The following PDE7B variants were observed in gnomAD, a reference collection of about 807,000 sequenced individuals.
PDE7B encodes phosphodiesterase 7B, also known as 3',5'-cyclic-AMP phosphodiesterase 7B.
PDE7B carries 29 observed loss-of-function variants against 56.2 expected under a neutral mutation model. The observed-to-expected ratio is 0.52, with a 90% CI of 0.38 to 0.70. PDE7B has a LOEUF of 0.70. Ranked by LOEUF, PDE7B falls within the 30% of genes least tolerant of loss-of-function variation. PDE7B has a pLI of 0.00. For synonymous variants in PDE7B, 197 were observed against 196.9 expected (o/e 1.00, Z 0.00); for missense variants, 490 against 565.0 (o/e 0.87, Z 1.35).
At chr6:136,010,960 C>T (rs897673932) in intron 2 of PDE7B, among the ~76,000 whole-genome samples, 1 of 152,146 alleles carries the variant, frequency 6.6e-6, no homozygotes, top group African/African-American at 2.4e-5. Context: ...ATACTTCATG[C>T]CGTGTGGGAA....
rs1422872457 is a variant in PDE7B, at chr6:135,963,171, G to A, written c.82+15647G>A. On this transcript the variant is annotated intron_variant, in intron 2 of 12. Transcript: ENST00000308191. The stretch of plus-strand genomic sequence containing the variant: ...GTGCACATATACACATGGAGACACA[G>A]CCTGCCTCTGCCTCAGAGACATCCT... Among the ~76,000 whole-genome samples the A allele has an allele frequency of 2.0e-5, 3 of 152,118 alleles. No individual in the cohort carries two copies. In the East Asian group the frequency reaches 5.8e-4, roughly 29 times the overall value.
chr6:135,980,362 A>AT (rs1305906786), intron 2 of PDE7B, among the ~76,000 whole-genome samples: 2 of 152,328 alleles, frequency 1.3e-5, no homozygotes, highest in East Asian at 1.9e-4. Flanking sequence ...AGGCATTACC[A>AT]TTCAGGACAC....
intron 1 of PDE7B, among the ~76,000 whole-genome samples, chr6:135,943,946 G>A (rs930791759): frequency 1.3e-5 from 2 of 152,208 alleles, no homozygotes; most frequent in African/African-American, 4.8e-5. Context: ...CCCCTTGGAT[G>A]AGTTCTTCAA....
intron 2 of PDE7B, among the ~76,000 whole-genome samples, chr6:136,075,359 A>G (rs1777112422): frequency 6.6e-6 from 1 of 152,210 alleles, no homozygotes; most frequent in South Asian, 2.1e-4. Flanking sequence ...GATTCTCACA[A>G]AAAGGAAAAC....
intron 1 of PDE7B, among the ~76,000 whole-genome samples, chr6:135,942,791 T>C (rs1774528890): frequency 6.6e-6 from 1 of 152,108 alleles, no homozygotes; most frequent in South Asian, 2.1e-4. Context: ...CATAATGTCC[T>C]CCAGATTCAT....
chr6:135,921,272 C>A (rs1774075181), intron 1 of PDE7B, among the ~76,000 whole-genome samples: 1 of 152,036 alleles, frequency 6.6e-6, no homozygotes, highest in Non-Finnish European at 1.5e-5. Context: ...TGAATTTAAT[C>A]CTTTTCTTAG....
chr6:136,131,498 T>G (rs998163252), intron 3 of PDE7B, among the ~76,000 whole-genome samples: 3 of 144,154 alleles, frequency 2.1e-5, no homozygotes, highest in African/African-American at 7.8e-5. Context: ...TGGCAGGTTT[T>G]TTTTTTTTTT....
chr6:135,903,239 T>C (rs557287451), intron 1 of PDE7B, among the ~76,000 whole-genome samples: 65 of 152,170 alleles, frequency 4.3e-4, no homozygotes, highest in Non-Finnish European at 8.4e-4. Flanking sequence ...TATTTCGTCT[T>C]TGCAAAAACT....
At chr6:135,976,402 C>G (rs1006064431) in intron 2 of PDE7B, among the ~76,000 whole-genome samples, 1 of 152,120 alleles carries the variant, frequency 6.6e-6, no homozygotes, top group Non-Finnish European at 1.5e-5. Flanking sequence ...TCCCCAATGG[C>G]GCTGCTGGGA....
intron 2 of PDE7B, chr6:136,046,471 CTT>C (rs1280208061): frequency 2.0e-5 from 3 of 152,238 alleles, no homozygotes; most frequent in East Asian, 3.9e-4. Context: ...CCTTGCCACT[CTT>C]TGCTCCTCTC....
At chr6:136,142,015 C>T (rs966631348) in intron 3 of PDE7B, among the ~76,000 whole-genome samples, 1 of 152,066 alleles carries the variant, frequency 6.6e-6, no homozygotes, top group African/African-American at 2.4e-5. Context: ...TGTGTTTGCT[C>T]TTGCTTCTCT....
intron 8 of PDE7B, among the ~76,000 whole-genome samples, chr6:136,159,563 C>G: frequency 6.6e-6 from 1 of 152,190 alleles, no homozygotes; most frequent in Non-Finnish European, 1.5e-5. Flanking sequence ...CAAGGAGCTT[C>G]TATTCCACTG....
At chr6:135,924,934 G>A (rs1445144668) in intron 1 of PDE7B, among the ~76,000 whole-genome samples, 1 of 150,414 alleles carries the variant, frequency 6.6e-6, no homozygotes, top group Admixed American at 6.6e-5. Context: ...AACATTTGAA[G>A]GCTGGGTGAT....
intron 2 of PDE7B, among the ~76,000 whole-genome samples, chr6:136,091,740 T>C (rs1345340612): frequency 6.6e-6 from 1 of 152,206 alleles, no homozygotes; most frequent in East Asian, 1.9e-4. Context: ...GAATCTCCAG[T>C]GTGCTGAAAT....
At chr6:136,044,304 T>C (rs916279177) in intron 2 of PDE7B, 1 of 152,206 alleles carries the variant, frequency 6.6e-6, no homozygotes, top group Non-Finnish European at 1.5e-5. Flanking sequence ...AACATTCTGT[T>C]TTTTTCATGT....
intron 2 of PDE7B, among the ~76,000 whole-genome samples, chr6:136,046,677 C>T (rs1292846618): frequency 6.6e-6 from 1 of 152,184 alleles, no homozygotes; most frequent in Admixed American, 6.5e-5. Flanking sequence ...GTCTCTTTGA[C>T]ATGACCTTAC....
At chr6:136,010,144 G>T (rs1775866542) in intron 2 of PDE7B, among the ~76,000 whole-genome samples, 1 of 152,096 alleles carries the variant, frequency 6.6e-6, no homozygotes, top group Non-Finnish European at 1.5e-5. Context: ...TTGTTTCAAA[G>T]AACTTCTTGA....
chr6:136,116,158 T>G (rs1191913978), intron 3 of PDE7B, among the ~76,000 whole-genome samples: 1 of 152,162 alleles, frequency 6.6e-6, no homozygotes, highest in Non-Finnish European at 1.5e-5. Context: ...GAAGAAGGCT[T>G]TATGGTCTTG....
intron 12 of PDE7B, among the ~76,000 whole-genome samples, chr6:136,191,026 T>TTTTTTTTTTTTTTTTTA (rs1779214797): frequency 6.7e-6 from 1 of 148,184 alleles, no homozygotes; most frequent in African/African-American, 2.6e-5. Flanking sequence ...TTTTTTTTTT[T>TTTTTTTTTTTTTTTTTA]TTTTTTTTTT....
Sources: gnomAD v4.1 joint callset for allele counts (sites outside exome capture counted in the v4.1 genomes callset) on GRCh38, gnomAD v4.1.1 for gene constraint, MANE v1.5 for transcripts, NCBI Gene and HGNC (gene_info 2026-07-23, HGNC 2026-07-21) for gene names.